Variants in CNTNAP2 observed in about 807,000 individuals in gnomAD.
CNTNAP2 encodes the protein contactin-associated protein-like 2.
Under a neutral mutation model 155.2 loss-of-function variants are expected in CNTNAP2, and 98 were observed. That is an observed-to-expected ratio of 0.63 (90% CI 0.54 to 0.75). CNTNAP2 has a LOEUF of 0.75. CNTNAP2 is among the 30% of genes least tolerant of loss of function. CNTNAP2 has a pLI of 0.00. For missense variants in CNTNAP2, 1,727 were observed against 1,688.1 expected (o/e 1.02, Z -0.40); for synonymous variants, 651 against 631.2 (o/e 1.03, Z -0.47).
chr7:147,374,284 A>G (rs1463421124), intron 9 of CNTNAP2, among the ~76,000 whole-genome samples: 2 of 152,120 alleles, frequency 1.3e-5, no homozygotes, highest in Admixed American at 1.3e-4. Flanking sequence ...TATGAGTTCA[A>G]CTAAATAGCT....
intron 1 of CNTNAP2, among the ~76,000 whole-genome samples, chr7:146,502,237 A>ATATATATATATATGAATATATATGTG (rs1563109670): frequency 0.032 from 2,177 of 67,342 alleles, 80 homozygotes; most frequent in African/African-American, 0.11. Context: ...ATATATATAT[A>ATATATATATATATGAATATATATGTG]TATATATATA....
intron 1 of CNTNAP2, among the ~76,000 whole-genome samples, chr7:146,471,612 T>C (rs1796800120): frequency 6.6e-6 from 1 of 152,232 alleles, no homozygotes; most frequent in African/African-American, 2.4e-5. Flanking sequence ...GTTTCTCAAT[T>C]TGTGTGTGCA....
At chr7:146,354,848 T>C (rs1384789935) in intron 1 of CNTNAP2, among the ~76,000 whole-genome samples, 1 of 152,190 alleles carries the variant, frequency 6.6e-6, no homozygotes, top group Non-Finnish European at 1.5e-5. Flanking sequence ...GGTATATTCT[T>C]GTGAAATGAA....
At chr7:147,205,297 C>T (rs991601224) in intron 8 of CNTNAP2, among the ~76,000 whole-genome samples, 2 of 152,042 alleles carry the variant, frequency 1.3e-5, no homozygotes, top group Non-Finnish European at 2.9e-5. Context: ...TCTTTGAGTG[C>T]CCATCAACTT....
chr7:147,711,367 G>C (rs1796398058), intron 13 of CNTNAP2, among the ~76,000 whole-genome samples: 1 of 152,164 alleles, frequency 6.6e-6, no homozygotes, highest in African/African-American at 2.4e-5. Flanking sequence ...ATGCATACAT[G>C]AGTACAGATG....
intron 4 of CNTNAP2, among the ~76,000 whole-genome samples, chr7:147,049,084 A>G (rs111888643): frequency 2.3e-4 from 35 of 152,296 alleles, no homozygotes; most frequent in African/African-American, 6.0e-4. Context: ...CATCTGGCGA[A>G]GGCCTTCTTT....
At chr7:146,939,631 A>AT (rs549935010) in intron 3 of CNTNAP2, among the ~76,000 whole-genome samples, 297 of 152,236 alleles carry the variant, frequency 2.0e-3, no homozygotes, top group African/African-American at 6.9e-3. Flanking sequence ...CTTTTCCTTC[A>AT]TTATACTTCA....
At chr7:147,567,270 G>A (rs907696091) in intron 12 of CNTNAP2, among the ~76,000 whole-genome samples, 6 of 152,176 alleles carry the variant, frequency 3.9e-5, no homozygotes, top group African/African-American at 1.4e-4. Context: ...ACAAGTGGGT[G>A]TTATGCGGCT....
chr7:147,017,643 C>T (rs192300019), intron 3 of CNTNAP2, among the ~76,000 whole-genome samples: 25 of 151,926 alleles, frequency 1.6e-4, no homozygotes, highest in South Asian at 6.2e-4. Flanking sequence ...ATTTATTTAG[C>T]GAGTAAAGAA....
At chr7:146,199,255 C>A (rs529641346) in intron 1 of CNTNAP2, among the ~76,000 whole-genome samples, 60 of 152,196 alleles carry the variant, frequency 3.9e-4, no homozygotes, top group South Asian at 6.2e-4. Context: ...CTTGAAATAT[C>A]AATCTAAATT....
At chr7:147,812,010 G>A (rs1225741768) in intron 13 of CNTNAP2, among the ~76,000 whole-genome samples, 2 of 152,152 alleles carry the variant, frequency 1.3e-5, no homozygotes, top group African/African-American at 2.4e-5. Context: ...TCAAATAATA[G>A]CAATGTTAGG....
intron 1 of CNTNAP2, among the ~76,000 whole-genome samples, chr7:146,466,441 C>T (rs1796718548): frequency 6.6e-6 from 1 of 152,186 alleles, no homozygotes; most frequent in Non-Finnish European, 1.5e-5. Context: ...AAATGTGTTT[C>T]AACAGGCTGT....
At chr7:148,333,170 G>A (rs571243877) in intron 21 of CNTNAP2, among the ~76,000 whole-genome samples, 11 of 152,224 alleles carry the variant, frequency 7.2e-5, no homozygotes, top group South Asian at 4.1e-4. Flanking sequence ...GCTCACCCCC[G>A]TAATCCCAAC....
chr7:146,463,422 G>A (rs951770216), intron 1 of CNTNAP2, among the ~76,000 whole-genome samples: 6 of 151,802 alleles, frequency 4.0e-5, no homozygotes, highest in African/African-American at 1.5e-4. Context: ...CAGTATAAAT[G>A]AATGTTTCTG....
chr7:146,931,764 G>A (rs987014398), intron 3 of CNTNAP2, among the ~76,000 whole-genome samples: 15 of 149,838 alleles, frequency 1.0e-4, no homozygotes, highest in East Asian at 3.9e-4. Flanking sequence ...TATCACCACC[G>A]ATCCCACAGA....
intron 12 of CNTNAP2, among the ~76,000 whole-genome samples, chr7:147,582,118 T>C (rs773723710): frequency 1.3e-5 from 2 of 152,182 alleles, no homozygotes; most frequent in Non-Finnish European, 2.9e-5. Context: ...TGAATGTCTG[T>C]AATTGACAGC....
intron 15 of CNTNAP2, among the ~76,000 whole-genome samples, chr7:147,998,784 A>G (rs1300344523): frequency 6.6e-6 from 1 of 152,204 alleles, no homozygotes; most frequent in Admixed American, 6.5e-5. Context: ...AAAAACCGAC[A>G]AATGCCAATA....
chr7:147,567,126 A>G (rs1038415135), intron 12 of CNTNAP2, among the ~76,000 whole-genome samples: 13 of 152,184 alleles, frequency 8.5e-5, no homozygotes, highest in Non-Finnish European at 1.9e-4. Flanking sequence ...CATAGACAGC[A>G]TAGGGGAGCC....
At chr7:146,807,423 T>TAAAC in intron 2 of CNTNAP2, among the ~76,000 whole-genome samples, 1 of 152,300 alleles carries the variant, frequency 6.6e-6, no homozygotes, top group South Asian at 2.1e-4. Context: ...GATGCTGTAA[T>TAAAC]AAACATTCTT....
Sources: allele counts gnomAD v4.1 joint callset (sites outside exome capture counted in the v4.1 genomes callset), GRCh38; gene constraint gnomAD v4.1.1; transcripts MANE v1.5; gene names NCBI Gene and HGNC (gene_info 2026-07-23, HGNC 2026-07-21).